ANO3: variants seen among roughly 807,000 people sequenced by gnomAD.
ANO3 encodes anoctamin 3, also known as anoctamin-3.
In ANO3, 99 loss-of-function variants were observed where a neutral mutation model predicts 144.8. The ratio of observed to expected loss-of-function variants is 0.68; its 90% confidence interval spans 0.58 to 0.81. ANO3 has a LOEUF of 0.81. ANO3 is among the 30% of genes least tolerant of loss of function. The pLI is 0.00. For synonymous variants in ANO3, 414 were observed against 392.6 expected (o/e 1.05, Z -0.64); for missense variants, 905 against 1,202.2 (o/e 0.75, Z 3.66).
At chr11:26,395,593 T>C (rs1019825234) in intron 1 of ANO3, among the ~76,000 whole-genome samples, 16 of 152,078 alleles carry the variant, frequency 1.1e-4, no homozygotes, top group Admixed American at 9.8e-4. Context: ...ATTATTGGTG[T>C]ATAGGAATGC....
At chr11:26,216,081 G>T (rs1333649765) in intron 1 of ANO3, among the ~76,000 whole-genome samples, 1 of 151,880 alleles carries the variant, frequency 6.6e-6, no homozygotes, top group African/African-American at 2.4e-5. Flanking sequence ...CAGTTAGGTT[G>T]TTTCATGTAT....
At chr11:26,521,907 G>A (rs1417295056) in intron 6 of ANO3, among the ~76,000 whole-genome samples, 3 of 152,140 alleles carry the variant, frequency 2.0e-5, no homozygotes, top group East Asian at 3.9e-4. Context: ...AAGAGCGGCC[G>A]GGCGCGGTGG....
chr11:26,210,007 A>AT (rs1261567004), intron 1 of ANO3, among the ~76,000 whole-genome samples: 1 of 152,062 alleles, frequency 6.6e-6, no homozygotes, highest in Non-Finnish European at 1.5e-5. Context: ...TCATTTGTCA[A>AT]TTTTGGCTTT....
At chr11:26,325,790 C>G (rs1205032998) in intron 1 of ANO3, among the ~76,000 whole-genome samples, 1 of 152,134 alleles carries the variant, frequency 6.6e-6, no homozygotes, top group Non-Finnish European at 1.5e-5. Context: ...GTCAAACCAG[C>G]CATAAAGATT....
intron 1 of ANO3, among the ~76,000 whole-genome samples, chr11:26,230,503 G>A (rs1327374658): frequency 6.6e-6 from 1 of 151,984 alleles, no homozygotes; most frequent in Non-Finnish European, 1.5e-5. Flanking sequence ...TCTAATTAAA[G>A]ATTTATCTTT....
At chr11:26,451,094 T>C (rs1300892612) in intron 3 of ANO3, among the ~76,000 whole-genome samples, 3 of 152,254 alleles carry the variant, frequency 2.0e-5, no homozygotes, top group East Asian at 3.9e-4. Context: ...AACAGACTTA[T>C]AGGGGAGGAG....
chr11:26,415,679 G>A (rs1405936572), intron 1 of ANO3, among the ~76,000 whole-genome samples: 1 of 151,970 alleles, frequency 6.6e-6, no homozygotes, highest in African/African-American at 2.4e-5. Flanking sequence ...GTTTTGTGTA[G>A]CACACTGAAA....
At position 26,553,219 on chromosome 11, in the gene ANO3, G is replaced by GTTTTTTTTTTT. The variant is rs201093158; in HGVS notation, c.1290-26_1290-25insTTTTTTTTTTT. On this transcript the variant is annotated intron_variant, in intron 12 of 26. Transcript: ENST00000256737. ...TAGTCACAGTTTCATGCTATGTTTT[G>GTTTTTTTTTTT]TTTTGTTTTTGTTTTTGTTTTTTCT... 1.4e-4 allele frequency: 171 copies of GTTTTTTTTTTT among 1,198,526 alleles called. 9 individuals are homozygous for GTTTTTTTTTTT. The highest frequency in any genetic ancestry group is 3.7e-4 in the Admixed American group (18 of 48,744). The allele number at this position is 1,198,526 out of a possible 1,614,324, so 74.2% of individuals were successfully genotyped here. A position where few individuals can be genotyped will look rare whatever the true frequency, so the allele number is the denominator to read the frequency against.
At chr11:26,351,697 G>C (rs1431993338) in intron 1 of ANO3, among the ~76,000 whole-genome samples, 1 of 152,134 alleles carries the variant, frequency 6.6e-6, no homozygotes, top group Non-Finnish European at 1.5e-5. Flanking sequence ...CAATTTGAAC[G>C]GTTTGCCACC....
intron 1 of ANO3, among the ~76,000 whole-genome samples, chr11:26,332,843 A>G (rs1397307555): frequency 6.6e-6 from 1 of 152,102 alleles, no homozygotes; most frequent in Non-Finnish European, 1.5e-5. Flanking sequence ...TTGTTTGCCC[A>G]TGTCCCATGC....
At chr11:26,323,802 C>A (rs932314252) in intron 1 of ANO3, among the ~76,000 whole-genome samples, 1 of 152,104 alleles carries the variant, frequency 6.6e-6, no homozygotes, top group Middle Eastern at 3.2e-3. Context: ...AAGCTTTCAA[C>A]AATTCAATGT....
chr11:26,535,628 G>C (rs965906738), intron 9 of ANO3, among the ~76,000 whole-genome samples: 1 of 120,614 alleles, frequency 8.3e-6, no homozygotes, highest in East Asian at 2.6e-4. Context: ...TGTCGCCCAG[G>C]CTGGAGTGCA....
chr11:26,347,960 G>C (rs953106427), intron 1 of ANO3, among the ~76,000 whole-genome samples: 9 of 152,158 alleles, frequency 5.9e-5, no homozygotes, highest in African/African-American at 2.2e-4. Flanking sequence ...TCCTTGGCTT[G>C]CCCATTGGGT....
chr11:26,584,007 T>C (rs191248292), intron 14 of ANO3, among the ~76,000 whole-genome samples: 1 of 152,336 alleles, frequency 6.6e-6, no homozygotes, highest in Non-Finnish European at 1.5e-5. Flanking sequence ...CCCCTTCTAA[T>C]CAACCATATT....
intron 4 of ANO3, among the ~76,000 whole-genome samples, chr11:26,497,189 C>T (rs1254435588): frequency 6.6e-6 from 1 of 151,166 alleles, no homozygotes; most frequent in Non-Finnish European, 1.5e-5. Context: ...AACATTGAAA[C>T]ATGTATATAC....
At chr11:26,253,562 TAA>T (rs11452342) in intron 1 of ANO3, among the ~76,000 whole-genome samples, 1 of 134,174 alleles carries the variant, frequency 7.5e-6, no homozygotes, top group Admixed American at 7.5e-5. Context: ...AAAATAAACT[TAA>T]AAAAAAAAAA....
chr11:26,630,003 C>T (rs755305535), intron 18 of ANO3, among the ~76,000 whole-genome samples: 9 of 152,138 alleles, frequency 5.9e-5, no homozygotes, highest in Non-Finnish European at 7.4e-5. Context: ...TTTTTACTTG[C>T]GCTGTCCTTG....
Position 26,530,555 on chromosome 11 carries a change from T to TAAA in ANO3, c.738-639_738-637dup, listed in dbSNP as rs72561877. On this transcript the variant is annotated intron_variant, in intron 7 of 26. Transcript: ENST00000256737. ...CATTTTAATAAATATATTTTGCGCT[T>TAAA]AAAAAAAAAAAAACTCTCTTTCTGG... Among the ~76,000 whole-genome samples the TAAA allele has an allele frequency of 2.0e-3, 291 of 143,780 alleles. 6 individuals are homozygous for TAAA. The highest frequency in any genetic ancestry group is 7.0e-3 in the Middle Eastern group (2 of 286). The allele number at this position is 143,780 out of a possible 152,430, so 94.3% of individuals were successfully genotyped here.
intron 1 of ANO3, among the ~76,000 whole-genome samples, chr11:26,352,981 A>G (rs1238821481): frequency 6.6e-6 from 1 of 152,208 alleles, no homozygotes; most frequent in Non-Finnish European, 1.5e-5. Context: ...TAACTCAAAA[A>G]TGAGTCATAA....
Sources: gnomAD v4.1 joint callset for allele counts (sites outside exome capture counted in the v4.1 genomes callset) on GRCh38, gnomAD v4.1.1 for gene constraint, MANE v1.5 for transcripts, NCBI Gene and HGNC (gene_info 2026-07-23, HGNC 2026-07-21) for gene names.